URI1: variants seen among roughly 807,000 people sequenced by gnomAD.
URI1 encodes the protein URI1 prefoldin like chaperone, also known as unconventional prefoldin RPB5 interactor 1.
Under a neutral mutation model 60.2 loss-of-function variants are expected in URI1, and 39 were observed. The observed-to-expected ratio is 0.65, with a 90% CI of 0.50 to 0.85. The LOEUF is 0.85. URI1 is among the 40% of genes least tolerant of loss of function. The pLI, the probability that URI1 is intolerant of heterozygous loss-of-function variation, is 0.00. For missense variants in URI1, 691 were observed against 665.9 expected, an observed-to-expected ratio of 1.04 and a Z score of -0.42; for synonymous variants, 251 against 236.8, an observed-to-expected ratio of 1.06 and a Z score of -0.55.
At chr19:29,934,909 AAGTAAGTCTCTTGC>A (rs1463051305) in intron 1 of URI1, among the ~76,000 whole-genome samples, 1 of 152,166 alleles carries the variant, frequency 6.6e-6, no homozygotes, top group Admixed American at 6.5e-5. Context: ...TTTTGATCCA[AAGTAAGTCTCTTGC>A]AGACAGCATA....
intron 1 of URI1, among the ~76,000 whole-genome samples, chr19:29,943,972 CA>C (rs2055064953): frequency 6.7e-6 from 1 of 149,758 alleles, no homozygotes; most frequent in Non-Finnish European, 1.5e-5. Context: ...TCCGTCTATA[CA>C]AAAAAATACA....
chr19:29,982,837 A>C (rs2055615425), intron 2 of URI1, among the ~76,000 whole-genome samples: 1 of 152,194 alleles, frequency 6.6e-6, no homozygotes, highest in African/African-American at 2.4e-5. Context: ...TTTGGAACCA[A>C]AATAGTAGTT....
At chr19:29,994,656 G>C (rs2055788906) in intron 4 of URI1, among the ~76,000 whole-genome samples, 1 of 151,884 alleles carries the variant, frequency 6.6e-6, no homozygotes, top group Non-Finnish European at 1.5e-5. Flanking sequence ...GAATTATTCT[G>C]TTCGCTATTG....
rs749828270 is a variant in URI1, at chr19:29,935,700, C to CTTTTTTTTTTCTT, written c.63+11956_63+11957insCTTTTTTTTTTTT. Among the ~76,000 whole-genome samples the CTTTTTTTTTTCTT allele has an allele frequency of 3.7e-3, 484 of 131,842 alleles. 10 individuals carry two copies. Among genetic ancestry groups the CTTTTTTTTTTCTT allele is most frequent in the African/African-American group, 0.014 (466 of 34,372 alleles). The allele number at this position is 131,842 out of a possible 152,430, so 86.5% of individuals were successfully genotyped here. On this transcript the variant is annotated intron_variant, in intron 1 of 10. Coordinates refer to the URI1 transcript ENST00000360605. ...TGGTAGGAAATTCTTGGTTGACAGT[C>CTTTTTTTTTTCTT]TTTTTTTTTTTTTTCCCCAGGACTT...
intron 4 of URI1, chr19:30,004,199 T>G (rs1472676227): frequency 6.6e-6 from 1 of 152,088 alleles, no homozygotes; most frequent in Non-Finnish European, 1.5e-5. Context: ...TTTTATGAAC[T>G]GTTTACACCG....
chr19:30,015,329 A>G lies in URI1; in HGVS notation c.*260A>G, dbSNP rs2056073154. On this transcript the variant is annotated 3_prime_UTR_variant, in exon 11 of 11. Transcript: ENST00000392271. ...TTTGCCTTTATGATGCAGTGGCAGC[A>G]TTTTGAATTACTTTTCAAAGAATAC... is the stretch of plus-strand genomic sequence containing the variant. 7.1e-7 allele frequency: 1 copy of G among 1,416,128 alleles called. No homozygotes were observed. 87.7% of individuals were successfully genotyped at this position (1,416,128 alleles called of 1,614,324 possible). A position where few individuals can be genotyped will look rare whatever the true frequency, so the allele number is the denominator to read the frequency against.
At chr19:29,987,242 T>C (rs925925192) in intron 4 of URI1, among the ~76,000 whole-genome samples, 2 of 152,182 alleles carry the variant, frequency 1.3e-5, no homozygotes, top group African/African-American at 4.8e-5. Context: ...GATGGGAAGA[T>C]CCTTTTTTAT....
chr19:30,015,238 G>C lies in URI1; in HGVS notation c.*169G>C. ...GTATTTGAAAAAAATCAAGGTAACT[G>C]TCTGAATACTTTAATATCAGCTTGT... On this transcript the variant is annotated 3_prime_UTR_variant, in exon 11 of 11. Coordinates refer to ENST00000392271, the MANE Select transcript of URI1 (RefSeq NM_003796.3). 5 of 1,418,576 alleles carry C rather than the reference G, an allele frequency of 3.5e-6. No individual in the cohort carries two copies. Among genetic ancestry groups the C allele is most frequent in the South Asian group, 1.6e-5 (1 of 60,658 alleles). The allele number at this position is 1,418,576 out of a possible 1,614,324, so 87.9% of individuals were successfully genotyped here. A position where few individuals can be genotyped will look rare whatever the true frequency, so the allele number is the denominator to read the frequency against.
intron 5 of URI1, 51 bp downstream of exon 5, chr19:30,005,503 A>G (rs762431158): frequency 1.3e-6 from 2 of 1,505,128 alleles, no homozygotes; most frequent in Non-Finnish European, 1.8e-6. Flanking sequence ...TTTTCAAAGA[A>G]ATATGAAGCT....
intron 1 of URI1, among the ~76,000 whole-genome samples, chr19:29,951,905 A>T (rs529784912): frequency 3.3e-5 from 5 of 152,300 alleles, no homozygotes; most frequent in African/African-American, 1.2e-4. Flanking sequence ...AGGATGTTCC[A>T]GGCTTGCCCT....
intron 1 of URI1, among the ~76,000 whole-genome samples, chr19:29,959,637 G>A (rs919102461): frequency 6.6e-6 from 1 of 152,134 alleles, no homozygotes; most frequent in African/African-American, 2.4e-5. Context: ...TTTCAAGCTT[G>A]TTGTCCCTCC....
intron 1 of URI1, among the ~76,000 whole-genome samples, chr19:29,924,429 G>C (rs2145183459): frequency 6.6e-6 from 1 of 152,256 alleles, no homozygotes; most frequent in South Asian, 2.1e-4. Context: ...TCGGTGTACT[G>C]GCGATCTAAA....
At chr19:29,953,096 A>T (rs1281121360) in intron 1 of URI1, among the ~76,000 whole-genome samples, 1 of 152,164 alleles carries the variant, frequency 6.6e-6, no homozygotes, top group East Asian at 1.9e-4. Context: ...TTCATCTAGG[A>T]TATTTTCATC....
Position 30,009,238 on chromosome 19 carries a change from AC to A in URI1, c.921del (p.Asp307GlufsTer19), listed in dbSNP as rs1283386731. ...GATGATGATGATGATGATGATGATGACGACGACGACGACAACATTGACGACG... is the reference window on the plus strand; with the variant it reads ...GATGATGATGATGATGATGATGATGAGACGACGACGACAACATTGACGACG... The part of the protein sequence containing the change: ...HSDDDDDDDD[D>X]DDDDNIDDDD... On this transcript the variant is annotated frameshift_variant, in exon 8 of 11. Coordinates refer to ENST00000392271, the MANE Select transcript of URI1 (RefSeq NM_003796.3). LOFTEE classifies it high-confidence loss of function. 9.2e-6 allele frequency: 14 copies of A among 1,529,242 alleles called. No individual in the cohort carries two copies. The African/African-American group carries it at 1.9e-4, about 21-fold the overall frequency. The allele number at this position is 1,529,242 out of a possible 1,614,324, so 94.7% of individuals were successfully genotyped here. A position where few individuals can be genotyped will look rare whatever the true frequency, so the allele number is the denominator to read the frequency against.
chr19:29,927,458 C>T (rs2054878403), intron 1 of URI1, among the ~76,000 whole-genome samples: 1 of 149,298 alleles, frequency 6.7e-6, no homozygotes, highest in Non-Finnish European at 1.5e-5. Flanking sequence ...CACGGGGTTT[C>T]ACCATATTGG....
chr19:29,944,659 A>T (rs567346578), intron 1 of URI1, among the ~76,000 whole-genome samples: 2 of 152,260 alleles, frequency 1.3e-5, no homozygotes, highest in East Asian at 3.9e-4. Context: ...TGTGCTACCA[A>T]ATTATTTTTC....
intron 2 of URI1, among the ~76,000 whole-genome samples, chr19:29,975,165 C>G (rs1023248722): frequency 6.6e-6 from 1 of 152,088 alleles, no homozygotes; most frequent in South Asian, 2.1e-4. Context: ...AACTGCTGTC[C>G]ACAGTGGCTG....
intron 1 of URI1, among the ~76,000 whole-genome samples, chr19:29,968,318 T>G: frequency 6.6e-6 from 1 of 152,172 alleles, no homozygotes; most frequent in East Asian, 1.9e-4. Context: ...CATTGTGGTC[T>G]TACTTTTGTG....
At position 29,953,966 on chromosome 19, in the gene URI1, A is replaced by G. The variant is rs115557069; in HGVS notation, c.117+11302A>G. 3.5e-3 allele frequency among the ~76,000 whole-genome samples: 532 copies of G among 152,306 alleles called. 5 individuals carry two copies. The highest frequency in any genetic ancestry group is 0.012 in the African/African-American group (516 of 41,566). ...GCAAATAGTTAGAACTACTCAAGAA[A>G]GAAACTAAAAAAATAAAACTGGGTT... is the stretch of plus-strand genomic sequence containing the variant. On this transcript the variant is annotated intron_variant, in intron 1 of 10. Transcript: ENST00000392271.
Sources: gnomAD v4.1 joint callset for allele counts (sites outside exome capture counted in the v4.1 genomes callset) on GRCh38, gnomAD v4.1.1 for gene constraint, MANE v1.5 for transcripts, NCBI Gene and HGNC (gene_info 2026-07-23, HGNC 2026-07-21) for gene names.